Variants in SPECC1 observed in about 807,000 individuals in gnomAD.
The protein encoded by SPECC1 is sperm antigen with calponin homology and coiled-coil domains 1.
A neutral mutation model predicts 104.1 loss-of-function variants in SPECC1; 62 were observed. The ratio of observed to expected loss-of-function variants is 0.60; its 90% CI spans 0.49 to 0.74. SPECC1 has a LOEUF of 0.74. Among genes scored for constraint, SPECC1 ranks in the 30% least tolerant of loss-of-function variants. The pLI, the probability that SPECC1 is intolerant of heterozygous loss-of-function variation, is 0.00. For missense variants in SPECC1, 1,306 were observed against 1,310.5 expected, an observed-to-expected ratio of 1.00 and a Z score of 0.05; for synonymous variants, 513 against 501.6, an observed-to-expected ratio of 1.02 and a Z score of -0.30.
intron 2 of SPECC1, among the ~76,000 whole-genome samples, chr17:20,108,949 G>A (rs1255035999): frequency 6.6e-6 from 1 of 152,148 alleles, no homozygotes; most frequent in Non-Finnish European, 1.5e-5. Flanking sequence ...AGCAGAGGGT[G>A]TTGCTTTCTT....
At chr17:20,118,166 C>T (rs562043530) in intron 3 of SPECC1, among the ~76,000 whole-genome samples, 68 of 151,744 alleles carry the variant, frequency 4.5e-4, no homozygotes, top group Non-Finnish European at 7.8e-4. Context: ...ATATAATTTC[C>T]GCTAATACAT....
chr17:20,208,569 G>T (rs537597818), intron 4 of SPECC1, among the ~76,000 whole-genome samples: 1 of 152,180 alleles, frequency 6.6e-6, no homozygotes, highest in South Asian at 2.1e-4. Flanking sequence ...ATGATGAAGG[G>T]TCTAACATGC....
At chr17:20,120,018 A>C (rs1307719319) in intron 3 of SPECC1, among the ~76,000 whole-genome samples, 1 of 152,260 alleles carries the variant, frequency 6.6e-6, no homozygotes, top group African/African-American at 2.4e-5. Flanking sequence ...ATAAAAAATC[A>C]GAAATCCAGA....
chr17:20,264,457 A>ATTTTTTTT (rs10565315), intron 12 of SPECC1, among the ~76,000 whole-genome samples: 2 of 55,740 alleles, frequency 3.6e-5, no homozygotes, highest in Admixed American at 3.0e-4. Flanking sequence ...TTGGAGACGG[A>ATTTTTTTT]TTTTTTTTTT....
At chr17:20,236,116 C>G (rs1567971223) in intron 7 of SPECC1, among the ~76,000 whole-genome samples, 1 of 152,266 alleles carries the variant, frequency 6.6e-6, no homozygotes, top group Non-Finnish European at 1.5e-5. Context: ...AGCTGTCTTG[C>G]CACAGATGCT....
chr17:20,076,550 C>T (rs1245638895), intron 1 of SPECC1, among the ~76,000 whole-genome samples: 1 of 152,188 alleles, frequency 6.6e-6, no homozygotes, highest in Non-Finnish European at 1.5e-5. Context: ...GTGATTGGTC[C>T]ATAAGTTATT....
rs147177121 is a variant in SPECC1 at position 20,011,308 on chromosome 17, G to A, written c.-22+1884G>A. 5.3e-3 allele frequency among the ~76,000 whole-genome samples: 806 copies of A among 151,990 alleles called. 4 individuals carry two copies. The highest frequency in any genetic ancestry group is 0.018 in the African/African-American group (766 of 41,472). Reference sequence around the variant, plus strand: ...TTAATTACCTTTTCATTTTTTTCATGATCATTTATTTTTCTCAGTTTTTCT... The same window carrying A: ...TTAATTACCTTTTCATTTTTTTCATAATCATTTATTTTTCTCAGTTTTTCT... On this transcript the variant is annotated intron_variant, in intron 1 of 14. Coordinates refer to ENST00000395527, the MANE Select transcript of SPECC1 (RefSeq NM_001243439.2).
chr17:20,117,842 C>T (rs1442116824), intron 3 of SPECC1, among the ~76,000 whole-genome samples: 1 of 150,670 alleles, frequency 6.6e-6, no homozygotes, highest in Admixed American at 6.6e-5. Flanking sequence ...GGTGGCTCAA[C>T]GCCTGTAATC....
At chr17:20,146,034 G>A (rs182031279) in intron 3 of SPECC1, among the ~76,000 whole-genome samples, 3 of 152,248 alleles carry the variant, frequency 2.0e-5, no homozygotes, top group Admixed American at 1.3e-4. Context: ...CATTAGGATG[G>A]TACATTTCTT....
chr17:20,204,859 T>G lies in SPECC1; in HGVS notation c.810T>G (p.Thr270=). The G allele has an allele frequency of 6.2e-7, 1 of 1,613,920 alleles. No individual in the cohort carries two copies. The highest frequency in any genetic ancestry group is 8.5e-7 in the Non-Finnish European group (1 of 1,179,992). ...ATTCAGAAGGGGCAGCAAGTCACAC[T>G]GGCGACAGCAGCTGCCCAACATCCA... is the stretch of plus-strand genomic sequence containing the variant. ...SPNSEGAASH[T]GDSSCPTSIT... is the part of the protein sequence containing the mutation. The change falls in exon 4 of 15, where the codon ACT becomes ACG. Residue 270 remains threonine (T), a synonymous_variant. Transcript: ENST00000395527.
intron 1 of SPECC1, among the ~76,000 whole-genome samples, chr17:20,084,194 C>T (rs918173699): frequency 6.6e-6 from 1 of 152,092 alleles, no homozygotes; most frequent in African/African-American, 2.4e-5. Flanking sequence ...CTTTGGGAGG[C>T]GAGGCGGGCA....
chr17:20,307,837 A>G (rs918118756), intron 14 of SPECC1, among the ~76,000 whole-genome samples: 2 of 152,230 alleles, frequency 1.3e-5, no homozygotes, highest in East Asian at 1.9e-4. Flanking sequence ...GAGTCCACAG[A>G]TTCTTTATTT....
chr17:20,294,985 T>A (rs1278092228), intron 12 of SPECC1, among the ~76,000 whole-genome samples: 5 of 151,298 alleles, frequency 3.3e-5, no homozygotes, highest in Non-Finnish European at 7.4e-5. Flanking sequence ...TATGTTGCCT[T>A]ACTGAAAAAT....
At chr17:20,121,331 T>A (rs538784750) in intron 3 of SPECC1, among the ~76,000 whole-genome samples, 1 of 151,126 alleles carries the variant, frequency 6.6e-6, no homozygotes, top group Admixed American at 6.6e-5. Context: ...TATTATTCAC[T>A]TATCTGAATT....
intron 13 of SPECC1, among the ~76,000 whole-genome samples, chr17:20,300,388 T>G (rs542559241): frequency 1.3e-5 from 2 of 152,326 alleles, no homozygotes; most frequent in South Asian, 4.1e-4. Context: ...GATACGATGT[T>G]GGAGAGATAA....
At chr17:20,236,277 C>A (rs916364531) in intron 7 of SPECC1, among the ~76,000 whole-genome samples, 1 of 152,120 alleles carries the variant, frequency 6.6e-6, no homozygotes, top group Non-Finnish European at 1.5e-5. Flanking sequence ...GAACCTGGTC[C>A]TCTCAATGTG....
chr17:20,138,203 G>C (rs141871183), intron 3 of SPECC1, among the ~76,000 whole-genome samples: 111 of 152,050 alleles, frequency 7.3e-4, no homozygotes, highest in Non-Finnish European at 1.2e-3. Context: ...TTCAATCAAT[G>C]TTCCTGCTGT....
In SPECC1 at chr17:20,178,512, A is replaced by G. The variant is rs528508817; in HGVS notation, c.284-25821A>G. Among the ~76,000 whole-genome samples, 241 of 152,354 alleles carry G rather than the reference A, an allele frequency of 1.6e-3. 1 individual carries two copies. Among genetic ancestry groups the G allele is most frequent in the African/African-American group, 5.3e-3 (219 of 41,580 alleles). ...ATCAAGCTGAACATTCACAACAAGCATAACTAAATCAGAGAGGCAGAAGAA... is the reference window on the plus strand; with the variant it reads ...ATCAAGCTGAACATTCACAACAAGCGTAACTAAATCAGAGAGGCAGAAGAA... On this transcript the variant is annotated intron_variant, in intron 3 of 14. Transcript: ENST00000395527.
intron 1 of SPECC1, among the ~76,000 whole-genome samples, chr17:20,058,511 T>G (rs911081912): frequency 1.1e-4 from 16 of 151,948 alleles, no homozygotes; most frequent in Admixed American, 1.0e-3. Context: ...ATTTAAAAAT[T>G]AGCTGGGCAT....
Sources: gnomAD v4.1 joint callset for allele counts (sites outside exome capture counted in the v4.1 genomes callset) on GRCh38, gnomAD v4.1.1 for gene constraint, MANE v1.5 for transcripts, NCBI Gene and HGNC (gene_info 2026-07-23, HGNC 2026-07-21) for gene names.